The following SUMF1 variants were observed in gnomAD, a reference collection of about 807,000 sequenced individuals.
The protein encoded by SUMF1 is sulfatase modifying factor 1, also known as formylglycine-generating enzyme.
A neutral mutation model predicts 47.6 loss-of-function variants in SUMF1; 48 were observed. The observed-to-expected ratio is 1.01, with a 90% CI of 0.80 to 1.28. The LOEUF (loss-of-function observed/expected upper bound fraction) is 1.28. Ranked by LOEUF, SUMF1 falls within the 50% of genes most tolerant of loss-of-function variation. The pLI, the probability that SUMF1 is intolerant of heterozygous loss-of-function variation, is 0.00. For synonymous variants in SUMF1, 230 were observed against 192.1 expected, an observed-to-expected ratio of 1.20 and a Z score of -1.63; for missense variants, 571 against 485.4, an observed-to-expected ratio of 1.18 and a Z score of -1.66.
intron 8 of SUMF1, among the ~76,000 whole-genome samples, chr3:4,368,862 AC>A: frequency 6.6e-6 from 1 of 152,320 alleles, no homozygotes; most frequent in African/African-American, 2.4e-5. Flanking sequence ...ATCCAAAAAA[AC>A]GGAGAATAAA....
chr3:4,316,711 G>T, intron 8 of SUMF1: 1 of 1,550,940 alleles, frequency 6.4e-7, no homozygotes. Context: ...AACCGGCGAC[G>T]ATCAGCTCAG....
chr3:4,423,507 T>C (rs1300731087), intron 3 of SUMF1, among the ~76,000 whole-genome samples: 2 of 152,190 alleles, frequency 1.3e-5, no homozygotes, highest in African/African-American at 2.4e-5. Flanking sequence ...CAATTCAATC[T>C]GGTTACAAAT....
intron 8 of SUMF1, among the ~76,000 whole-genome samples, chr3:4,231,225 G>A (rs1011746847): frequency 1.3e-5 from 2 of 152,098 alleles, no homozygotes; most frequent in Non-Finnish European, 2.9e-5. Context: ...AAATGAGGAA[G>A]AGGACTGTGA....
At chr3:4,445,751 C>G (rs1336273284) in intron 3 of SUMF1, among the ~76,000 whole-genome samples, 1 of 152,136 alleles carries the variant, frequency 6.6e-6, no homozygotes, top group African/African-American at 2.4e-5. Context: ...TATACACAGA[C>G]ACACAAATGA....
chr3:4,257,279 G>A (rs1696976575), intron 8 of SUMF1, among the ~76,000 whole-genome samples: 2 of 135,676 alleles, frequency 1.5e-5, no homozygotes, highest in African/African-American at 2.9e-5. Context: ...GGCAGGAGAA[G>A]GAAATAAAGG....
intron 8 of SUMF1, among the ~76,000 whole-genome samples, chr3:4,177,868 A>G (rs573223669): frequency 8.5e-5 from 13 of 152,198 alleles, no homozygotes; most frequent in East Asian, 1.9e-4. Flanking sequence ...TATCACCACC[A>G]ATCCCACAGA....
At chr3:4,108,085 AG>A (rs1238928318) in intron 8 of SUMF1, among the ~76,000 whole-genome samples, 1 of 152,134 alleles carries the variant, frequency 6.6e-6, no homozygotes, top group Non-Finnish European at 1.5e-5. Context: ...TTCAAACTGT[AG>A]GTTGCTATTC....
chr3:4,296,587 A>G (rs752087805), intron 8 of SUMF1, among the ~76,000 whole-genome samples: 12 of 152,148 alleles, frequency 7.9e-5, no homozygotes, highest in Non-Finnish European at 1.6e-4. Flanking sequence ...TTATAAAACC[A>G]TCAGATCTCA....
In SUMF1 at chr3:4,280,136, T is replaced by C. The variant is rs73117639; in HGVS notation, c.1014+96194A>G. Among the ~76,000 whole-genome samples the C allele has an allele frequency of 3.3e-3, 507 of 152,278 alleles. 3 individuals carry two copies. Among genetic ancestry groups the C allele is most frequent in the African/African-American group, 0.011 (475 of 41,566 alleles). On this transcript the variant is annotated intron_variant and NMD_transcript_variant, in intron 8 of 12. Coordinates refer to the SUMF1 transcript ENST00000448413. ...TTATGTGAGGTAGTACAGATGTTAA[T>C]TAGTTCTCTTAAGCCATTCCACAAT...
chr3:4,164,305 G>A (rs2125116931), intron 8 of SUMF1, among the ~76,000 whole-genome samples: 1 of 152,268 alleles, frequency 6.6e-6, no homozygotes, highest in Admixed American at 6.5e-5. Context: ...CAGTGTCCAG[G>A]AGGAAGTCAA....
chr3:4,226,254 T>C (rs1696170100), intron 8 of SUMF1, among the ~76,000 whole-genome samples: 2 of 148,700 alleles, frequency 1.3e-5, no homozygotes, highest in South Asian at 4.3e-4. Context: ...TTATTGTTTT[T>C]TTTTTGTTTC....
chr3:4,464,561 T>A (rs986169364), intron 1 of SUMF1, among the ~76,000 whole-genome samples: 3 of 152,156 alleles, frequency 2.0e-5, no homozygotes, highest in Non-Finnish European at 4.4e-5. Context: ...AAATAAACAT[T>A]TGTTTAATTA....
chr3:4,376,624 C>T (rs1384454281), intron 7 of SUMF1, among the ~76,000 whole-genome samples: 1 of 152,200 alleles, frequency 6.6e-6, no homozygotes, highest in Non-Finnish European at 1.5e-5. Context: ...GTGAAGTCTT[C>T]GTAACTACAG....
At chr3:4,292,412 G>C (rs1418141397) in intron 8 of SUMF1, among the ~76,000 whole-genome samples, 7 of 152,156 alleles carry the variant, frequency 4.6e-5, no homozygotes, top group Non-Finnish European at 1.0e-4. Context: ...ACAAGAAGGG[G>C]CTTTGCCTAA....
intron 7 of SUMF1, among the ~76,000 whole-genome samples, chr3:4,408,892 G>A (rs552444120): frequency 6.6e-6 from 1 of 152,122 alleles, no homozygotes; most frequent in Admixed American, 6.5e-5. Flanking sequence ...AACACGGGAG[G>A]CAGAGGCTGC....
At chr3:4,276,453 G>T (rs1281720510) in intron 8 of SUMF1, among the ~76,000 whole-genome samples, 2 of 152,150 alleles carry the variant, frequency 1.3e-5, no homozygotes, top group African/African-American at 4.8e-5. Context: ...CTCTGTTGTA[G>T]AAGTAGCCTT....
At chr3:4,300,121 C>T (rs1346191455) in intron 8 of SUMF1, among the ~76,000 whole-genome samples, 1 of 152,344 alleles carries the variant, frequency 6.6e-6, no homozygotes, top group South Asian at 2.1e-4. Context: ...GGTGCTAAAG[C>T]ACCATCCCCT....
At chr3:4,426,490 C>T (rs530148052) in intron 3 of SUMF1, among the ~76,000 whole-genome samples, 2 of 152,190 alleles carry the variant, frequency 1.3e-5, no homozygotes, top group African/African-American at 2.4e-5. Flanking sequence ...TGTTTCTAAA[C>T]ATTTCAAATA....
chr3:4,196,538 T>C (rs1695433616), intron 8 of SUMF1, among the ~76,000 whole-genome samples: 1 of 152,118 alleles, frequency 6.6e-6, no homozygotes, highest in Non-Finnish European at 1.5e-5. Context: ...GGCACCTCCA[T>C]TCAGAGGCCT....
Sources: gnomAD v4.1 joint callset for allele counts (sites outside exome capture counted in the v4.1 genomes callset) on GRCh38, gnomAD v4.1.1 for gene constraint, MANE v1.5 for transcripts, NCBI Gene and HGNC (gene_info 2026-07-23, HGNC 2026-07-21) for gene names.